TRIO: variants seen among roughly 807,000 people sequenced by gnomAD.
TRIO encodes the protein triple functional domain protein.
Under a neutral mutation model 351.9 loss-of-function variants are expected in TRIO, and 58 were observed. The ratio of observed to expected loss-of-function variants is 0.16; its 90% CI spans 0.13 to 0.21. The LOEUF (loss-of-function observed/expected upper bound fraction) is 0.21. Ranked by LOEUF, TRIO falls within the 10% of genes least tolerant of loss-of-function variation. TRIO has a pLI of 1.00. For missense variants in TRIO, 3,201 were observed against 4,027.8 expected (o/e 0.79, Z 5.56); for synonymous variants, 1,758 against 1,595.7 (o/e 1.10, Z -2.42).
intron 1 of TRIO, among the ~76,000 whole-genome samples, chr5:14,209,675 G>A (rs972555339): frequency 5.3e-5 from 8 of 152,154 alleles, no homozygotes; most frequent in East Asian, 1.9e-4. Context: ...GTTGAGCTCC[G>A]TGGTCTAGAG....
intron 4 of TRIO, among the ~76,000 whole-genome samples, chr5:14,287,489 A>T (rs760769387): frequency 6.6e-6 from 1 of 152,218 alleles, no homozygotes; most frequent in Non-Finnish European, 1.5e-5. Context: ...TCATCCTGTC[A>T]TGGATAATGG....
intron 28 of TRIO, among the ~76,000 whole-genome samples, chr5:14,394,410 T>C (rs899080255): frequency 3.9e-4 from 59 of 152,288 alleles, no homozygotes; most frequent in African/African-American, 1.3e-3. Context: ...TTCCCAGCTG[T>C]GGCTTGCTGA....
At chr5:14,487,114 G>C (rs1166053734) in intron 47 of TRIO, among the ~76,000 whole-genome samples, 2 of 152,120 alleles carry the variant, frequency 1.3e-5, no homozygotes, top group African/African-American at 4.8e-5. Flanking sequence ...GGCAGCCCCA[G>C]GGTTTCTTTT....
intron 9 of TRIO, among the ~76,000 whole-genome samples, chr5:14,321,124 A>G (rs1345916302): frequency 6.6e-6 from 1 of 152,268 alleles, no homozygotes; most frequent in Non-Finnish European, 1.5e-5. Flanking sequence ...AGTAGCAGCT[A>G]TCATATTGAG....
chr5:14,492,543 C>T (rs374034877), intron 48 of TRIO, 24 bp from the exon 49 acceptor site: 43 of 1,610,332 alleles, frequency 2.7e-5, no homozygotes, highest in African/African-American at 1.5e-4. Flanking sequence ...CTGCCTTTCT[C>T]TGTCTTCATC....
rs1310927999 is a variant in TRIO, at chr5:14,297,254, G to A, written c.1359G>A (p.Lys453=). 6.2e-7 allele frequency: 1 copy of A among 1,613,624 alleles called. No individual in the cohort carries two copies. The highest frequency in any genetic ancestry group is 2.2e-5 in the East Asian group (1 of 44,856). ...ACATGTCCTCCATTTTCCACCAGAA[G>A]GCCGAAAAGGTCAGTGCCTTGAACC... ...LLDMSSIFHQ[K]AEKYMSNVDS... Residue 453 remains lysine, a synonymous_variant, in exon 7 of 57, where the codon AAG becomes AAA. Transcript: ENST00000344204.
At chr5:14,158,286 G>A (rs1788236124) in intron 1 of TRIO, among the ~76,000 whole-genome samples, 1 of 152,018 alleles carries the variant, frequency 6.6e-6, no homozygotes, top group Non-Finnish European at 1.5e-5. Flanking sequence ...TTAGCTGAGC[G>A]TGGTGGTGCA....
At chr5:14,272,638 C>T (rs1282716117) in intron 2 of TRIO, among the ~76,000 whole-genome samples, 1 of 151,956 alleles carries the variant, frequency 6.6e-6, no homozygotes, top group Non-Finnish European at 1.5e-5. Context: ...TGCTTTACCA[C>T]AGATTAGTAG....
intron 1 of TRIO, among the ~76,000 whole-genome samples, chr5:14,225,512 CTG>C (rs1792933943): frequency 1.3e-5 from 2 of 152,244 alleles, no homozygotes; most frequent in South Asian, 4.2e-4. Context: ...ATCCACTTCA[CTG>C]TGGTTGTAGG....
chr5:14,506,151 G>A (rs886169104), intron 55 of TRIO, among the ~76,000 whole-genome samples: 1 of 152,156 alleles, frequency 6.6e-6, no homozygotes, highest in African/African-American at 2.4e-5. Flanking sequence ...ACCTTCCCTG[G>A]GGAGTTTTAA....
intron 3 of TRIO, 27 bp downstream of exon 3, chr5:14,280,463 C>T (rs1735898917): frequency 6.3e-7 from 1 of 1,577,356 alleles, no homozygotes. Context: ...TTGTGCTTGT[C>T]ACTGATGTCA....
intron 48 of TRIO, among the ~76,000 whole-genome samples, chr5:14,491,399 G>A (rs568448541): frequency 3.9e-5 from 6 of 152,286 alleles, no homozygotes; most frequent in African/African-American, 7.2e-5. Context: ...TGAACATCCC[G>A]ACAGTACCCT....
intron 34 of TRIO, among the ~76,000 whole-genome samples, chr5:14,449,741 G>T (rs145631736): frequency 9.1e-4 from 139 of 152,234 alleles, no homozygotes; most frequent in African/African-American, 3.3e-3. Context: ...TGTTATCCAC[G>T]ATCAGTAATT....
chr5:14,435,702 T>C (rs1053752686), intron 34 of TRIO, among the ~76,000 whole-genome samples: 6 of 152,350 alleles, frequency 3.9e-5, no homozygotes, highest in Middle Eastern at 3.4e-3. Context: ...TGGATACTTA[T>C]TGTGTGGATC....
intron 9 of TRIO, among the ~76,000 whole-genome samples, chr5:14,327,453 C>T (rs575692441): frequency 7.2e-5 from 11 of 152,230 alleles, no homozygotes; most frequent in South Asian, 4.2e-4. Flanking sequence ...TGTGAGCCAC[C>T]GCGCCTGGCC....
intron 1 of TRIO, among the ~76,000 whole-genome samples, chr5:14,259,173 G>T (rs1795201572): frequency 6.6e-6 from 1 of 152,234 alleles, no homozygotes; most frequent in Non-Finnish European, 1.5e-5. Flanking sequence ...TCGTTCTGTT[G>T]ATCAGTGAAT....
At position 14,366,876 on chromosome 5, in the gene TRIO, G is replaced by T; in HGVS notation, c.2771G>T (p.Arg924Leu). 1 of 1,614,148 alleles carries T rather than the reference G, an allele frequency of 6.2e-7. No homozygotes were observed. The highest frequency in any genetic ancestry group is 8.5e-7 in the Non-Finnish European group (1 of 1,180,026). ...AEVKQVLGWI[R>L]NGESMLNAGL... ...ATGTTTCAGGTGCTGGGTTGGATCC[G>T]CAACGGAGAGTCCATGTTAAATGCC... Residue 924 changes from arginine (R) to leucine (L), a missense_variant, in exon 16 of 57, where the codon CGC (arginine) becomes CTC (leucine). Arg to Leu is a moderately radical substitution (Grantham distance 102, BLOSUM62 -2). Transcript: ENST00000344204.
At chr5:14,413,473 TGAA>T (rs1273539199) in intron 33 of TRIO, among the ~76,000 whole-genome samples, 1 of 152,250 alleles carries the variant, frequency 6.6e-6, no homozygotes, top group African/African-American at 2.4e-5. Context: ...CAAGAATGAA[TGAA>T]GGAGACAGAG....
chr5:14,352,375 T>C (rs563907263), intron 11 of TRIO, among the ~76,000 whole-genome samples: 17 of 152,358 alleles, frequency 1.1e-4, no homozygotes, highest in African/African-American at 4.1e-4. Context: ...CTCTTGCTGC[T>C]GGGCAAAGAT....
Sources: gnomAD v4.1 joint callset for allele counts (sites outside exome capture counted in the v4.1 genomes callset) on GRCh38, gnomAD v4.1.1 for gene constraint, MANE v1.5 for transcripts, NCBI Gene and HGNC (gene_info 2026-07-23, HGNC 2026-07-21) for gene names.